SNTG2: variants seen among roughly 807,000 people sequenced by gnomAD.
SNTG2 encodes the protein gamma-2-syntrophin.
A neutral mutation model predicts 70.9 loss-of-function variants in SNTG2; 74 were observed. The observed-to-expected ratio is 1.04, with a 90% CI of 0.86 to 1.27. The LOEUF is 1.27. Among genes scored for constraint, SNTG2 ranks in the 50% most tolerant of loss-of-function variants. The pLI is 0.00. For synonymous variants in SNTG2, 278 were observed against 273.8 expected (o/e 1.02, Z -0.15); for missense variants, 717 against 690.7 (o/e 1.04, Z -0.43).
chr2:1,279,158 T>C (rs1558626375), intron 14 of SNTG2, among the ~76,000 whole-genome samples: 1 of 151,934 alleles, frequency 6.6e-6, no homozygotes, highest in East Asian at 1.9e-4. Flanking sequence ...TGTCAGTGCA[T>C]CCAGGCTGCA....
At chr2:1,331,876 C>T (rs982040021) in intron 16 of SNTG2, among the ~76,000 whole-genome samples, 11 of 152,190 alleles carry the variant, frequency 7.2e-5, no homozygotes, top group Non-Finnish European at 1.3e-4. Context: ...GGGCAGGGTA[C>T]CAGGAAGGCC....
chr2:1,067,876 A>G (rs1663260601), intron 1 of SNTG2, among the ~76,000 whole-genome samples: 1 of 152,184 alleles, frequency 6.6e-6, no homozygotes, highest in Non-Finnish European at 1.5e-5. Context: ...GGGACAGTGC[A>G]TCGCTTTCCC....
chr2:1,319,110 C>T (rs1232829338), intron 16 of SNTG2, among the ~76,000 whole-genome samples: 1 of 152,156 alleles, frequency 6.6e-6, no homozygotes, highest in Non-Finnish European at 1.5e-5. Context: ...GTTAGATTCA[C>T]GTGGGACACA....
At position 1,293,157 on chromosome 2, in the gene SNTG2, C is replaced by CTTTT. The variant is rs71400092; in HGVS notation, c.1285-15322_1285-15319dup. 3.1e-3 allele frequency among the ~76,000 whole-genome samples: 407 copies of CTTTT among 130,918 alleles called. 1 individual carries two copies. Among genetic ancestry groups the CTTTT allele is most frequent in the African/African-American group, 9.9e-3 (355 of 35,764 alleles). The allele number at this position is 130,918 out of a possible 152,430, so 85.9% of individuals were successfully genotyped here. A position where few individuals can be genotyped will look rare whatever the true frequency, so the allele number is the denominator to read the frequency against. ...TAAAATTGTTTGTAGTACTCTGTTA[C>CTTTT]TTTTTTTTTTTTTTTTTTACTTTTG... On this transcript the variant is annotated intron_variant, in intron 14 of 16. Coordinates refer to ENST00000308624, the MANE Select transcript of SNTG2 (RefSeq NM_018968.4).
At chr2:1,095,857 C>A (rs1444425235) in intron 2 of SNTG2, among the ~76,000 whole-genome samples, 1 of 152,182 alleles carries the variant, frequency 6.6e-6, no homozygotes, top group Non-Finnish European at 1.5e-5. Context: ...GTAGATAATT[C>A]AATTTTCTCA....
At chr2:1,098,985 C>T (rs112603001) in intron 4 of SNTG2, among the ~76,000 whole-genome samples, 348 of 151,364 alleles carry the variant, frequency 2.3e-3, no homozygotes, top group African/African-American at 8.1e-3. Context: ...TGTGTAGAAT[C>T]GAAAAGTGAG....
rs555043933 is a variant in SNTG2, at chr2:1,063,003, A to G, written c.73-20515A>G. On this transcript the variant is annotated intron_variant, in intron 1 of 16. Coordinates refer to ENST00000308624, the MANE Select transcript of SNTG2 (RefSeq NM_018968.4). Reference sequence around the variant, plus strand: ...TTGTACATAACAAATAGACATTTCTACTGTTCGTTGATATGAAATAACTGT... The same window carrying G: ...TTGTACATAACAAATAGACATTTCTGCTGTTCGTTGATATGAAATAACTGT... 2.2e-4 allele frequency among the ~76,000 whole-genome samples: 33 copies of G among 152,306 alleles called. No homozygotes were observed. The South Asian group carries it at 6.2e-3, about 29-fold the overall frequency.
intron 14 of SNTG2, among the ~76,000 whole-genome samples, chr2:1,280,006 T>C (rs1292965249): frequency 6.6e-6 from 1 of 152,222 alleles, no homozygotes. Flanking sequence ...AATTAATTGA[T>C]GTTTATAAAG....
At chr2:971,729 A>G (rs1660747520) in intron 1 of SNTG2, among the ~76,000 whole-genome samples, 1 of 133,882 alleles carries the variant, frequency 7.5e-6, no homozygotes, top group Non-Finnish European at 1.6e-5. Context: ...TTTTTTTCTC[A>G]TTCCTTAAGA....
chr2:1,255,863 AAT>A (rs1427581051), intron 12 of SNTG2, among the ~76,000 whole-genome samples: 3 of 10,722 alleles, frequency 2.8e-4, no homozygotes, highest in Admixed American at 1.3e-3. Flanking sequence ...AATATATATA[AAT>A]ATATATAAAT....
At chr2:1,222,123 C>A (rs1345196939) in intron 9 of SNTG2, among the ~76,000 whole-genome samples, 2 of 125,460 alleles carry the variant, frequency 1.6e-5, no homozygotes, top group African/African-American at 3.6e-5. Context: ...CTGTCTCTCT[C>A]TGTCTCTCTC....
At chr2:1,260,652 T>C (rs1444998447) in intron 13 of SNTG2, among the ~76,000 whole-genome samples, 5 of 152,218 alleles carry the variant, frequency 3.3e-5, no homozygotes, top group African/African-American at 1.2e-4. Context: ...TTAAAAATTA[T>C]TCTGTTTTCG....
At chr2:980,425 A>G (rs930445569) in intron 1 of SNTG2, among the ~76,000 whole-genome samples, 4 of 152,232 alleles carry the variant, frequency 2.6e-5, no homozygotes, top group African/African-American at 9.6e-5. Context: ...AGAAGGAAAT[A>G]TGGTATTTCT....
At chr2:1,035,610 A>C (rs11901144) in intron 1 of SNTG2, among the ~76,000 whole-genome samples, 1 of 152,072 alleles carries the variant, frequency 6.6e-6, no homozygotes, top group Non-Finnish European at 1.5e-5. Context: ...GTTGGTTGCT[A>C]TATCTTCTTG....
chr2:1,165,712 C>G (rs761826582), intron 7 of SNTG2, 77 bp downstream of exon 7: 23 of 1,212,268 alleles, frequency 1.9e-5, no homozygotes, highest in Non-Finnish European at 2.7e-5. Flanking sequence ...AATGCTACCA[C>G]ATGGACTGGG....
intron 1 of SNTG2, among the ~76,000 whole-genome samples, chr2:977,084 G>A (rs533972704): frequency 6.6e-6 from 1 of 152,214 alleles, no homozygotes; most frequent in Non-Finnish European, 1.5e-5. Context: ...ACCATTCACT[G>A]TTAATGTAGG....
chr2:1,047,324 C>G (rs1661796026), intron 1 of SNTG2, among the ~76,000 whole-genome samples: 3 of 152,194 alleles, frequency 2.0e-5, no homozygotes. Context: ...TCCTTGCCAT[C>G]CAGATTCTGA....
intron 9 of SNTG2, among the ~76,000 whole-genome samples, chr2:1,233,744 A>G (rs996854269): frequency 2.0e-5 from 3 of 152,374 alleles, no homozygotes; most frequent in South Asian, 2.1e-4. Context: ...TTTCTAGAGT[A>G]TAAGTCTATT....
intron 4 of SNTG2, chr2:1,103,397 T>A (rs769421248): frequency 2.7e-4 from 78 of 287,564 alleles, no homozygotes; most frequent in South Asian, 1.5e-3. Flanking sequence ...TTTTATTTTT[T>A]TTTTTAGATG....
Sources: gnomAD v4.1 joint callset for allele counts (sites outside exome capture counted in the v4.1 genomes callset) on GRCh38, gnomAD v4.1.1 for gene constraint, MANE v1.5 for transcripts, NCBI Gene and HGNC (gene_info 2026-07-23, HGNC 2026-07-21) for gene names.